DAB1: variants seen among roughly 807,000 people sequenced by gnomAD.
DAB1 encodes the protein DAB adaptor protein 1, also known as disabled homolog 1.
In DAB1, 15 loss-of-function variants were observed where a neutral mutation model predicts 64.6. That is an observed-to-expected ratio of 0.23 (90% CI 0.16 to 0.36). The LOEUF (loss-of-function observed/expected upper bound fraction) is 0.36. DAB1 is among the 10% of genes least tolerant of loss of function. DAB1 has a pLI of 1.00. For synonymous variants in DAB1, 235 were observed against 251.9 expected, an observed-to-expected ratio of 0.93 and a Z score of 0.64; for missense variants, 596 against 706.7, an observed-to-expected ratio of 0.84 and a Z score of 1.78.
At position 57,109,982 on chromosome 1, in the gene DAB1, G is replaced by A. The variant is rs933705349; in HGVS notation, c.306+26561C>T. Among the ~76,000 whole-genome samples, 4 of 152,088 alleles carry A rather than the reference G, an allele frequency of 2.6e-5. No homozygotes were observed. The South Asian group carries it at 6.2e-4, about 24-fold the overall frequency. ...CCACTTTCCTCCCTTGACAGGCCAC[G>A]GGGACAGGACAAGGCCTGAGATTAC... On this transcript the variant is annotated intron_variant, in intron 4 of 14. Transcript: ENST00000371236.
chr1:57,140,640 C>T (rs967365726), intron 3 of DAB1, among the ~76,000 whole-genome samples: 1 of 152,122 alleles, frequency 6.6e-6, no homozygotes, highest in Non-Finnish European at 1.5e-5. Context: ...CGTTTCTCAC[C>T]TCATAAGAGT....
chr1:57,019,643 G>A (rs779433293), intron 11 of DAB1, among the ~76,000 whole-genome samples: 3 of 152,198 alleles, frequency 2.0e-5, no homozygotes, highest in East Asian at 1.9e-4. Flanking sequence ...CAGGACAGTG[G>A]TGGCACTGGA....
chr1:58,486,359 A>G (rs1437036529), intron 3 of DAB1, among the ~76,000 whole-genome samples: 5 of 152,278 alleles, frequency 3.3e-5, no homozygotes, highest in African/African-American at 1.2e-4. Flanking sequence ...GACTCCTAAG[A>G]CCACTGTTAT....
chr1:58,495,171 A>G (rs1645775805), intron 3 of DAB1, among the ~76,000 whole-genome samples: 1 of 152,138 alleles, frequency 6.6e-6, no homozygotes, highest in Non-Finnish European at 1.5e-5. Context: ...TTGCAAGGAC[A>G]AAAAACTAAA....
intron 1 of DAB1, among the ~76,000 whole-genome samples, chr1:58,543,924 T>G (rs1569990336): frequency 6.6e-6 from 1 of 152,208 alleles, no homozygotes; most frequent in South Asian, 2.1e-4. Flanking sequence ...ATGTGACTGG[T>G]GCATCTGAGG....
chr1:58,228,504 G>A (rs1195639192), intron 4 of DAB1, among the ~76,000 whole-genome samples: 1 of 151,992 alleles, frequency 6.6e-6, no homozygotes, highest in Non-Finnish European at 1.5e-5. Flanking sequence ...GCACTGGGTG[G>A]AAAAAAGAGC....
Position 58,404,179 on chromosome 1 carries a change from G to A in DAB1, n.258-60776C>T, listed in dbSNP as rs564671195. Among the ~76,000 whole-genome samples, 26 of 152,252 alleles carry A rather than the reference G, an allele frequency of 1.7e-4. 1 individual carries two copies. Among genetic ancestry groups the A allele is most frequent in the African/African-American group, 5.8e-4 (24 of 41,552 alleles). On this transcript the variant is annotated intron_variant and non_coding_transcript_variant, in intron 3 of 20. Transcript: ENST00000485760. ...TCACTGGCACTGAGCAAGCCAACTC[G>A]GGGACCTACTCAGAATGCAGGCATG...
At chr1:57,044,486 C>T (rs2100494989) in intron 9 of DAB1, among the ~76,000 whole-genome samples, 1 of 152,308 alleles carries the variant, frequency 6.6e-6, no homozygotes, top group African/African-American at 2.4e-5. Context: ...GGAAAGGGAA[C>T]TCTATGTTTG....
intron 6 of DAB1, among the ~76,000 whole-genome samples, chr1:57,752,865 G>A (rs1648619631): frequency 6.6e-6 from 1 of 152,180 alleles, no homozygotes; most frequent in Admixed American, 6.5e-5. Flanking sequence ...CCTGACACTT[G>A]GTAGGCATTC....
chr1:57,890,101 C>T (rs923036376), intron 5 of DAB1, among the ~76,000 whole-genome samples: 2 of 152,038 alleles, frequency 1.3e-5, no homozygotes, highest in Non-Finnish European at 2.9e-5. Flanking sequence ...GTGATTAAGA[C>T]TGGGGTGAGG....
At chr1:58,136,885 C>T (rs1480603204) in intron 5 of DAB1, among the ~76,000 whole-genome samples, 4 of 152,150 alleles carry the variant, frequency 2.6e-5, no homozygotes, top group Non-Finnish European at 5.9e-5. Flanking sequence ...AAATTTTATA[C>T]TAGAGCTGTC....
chr1:58,226,804 C>CGATA (rs1363942624), intron 4 of DAB1, among the ~76,000 whole-genome samples: 1 of 152,104 alleles, frequency 6.6e-6, no homozygotes, highest in Non-Finnish European at 1.5e-5. Context: ...AAGCACAGAG[C>CGATA]GATAGGTTTT....
At chr1:58,538,806 G>T (rs778349241) in intron 1 of DAB1, 2 of 808,644 alleles carry the variant, frequency 2.5e-6, no homozygotes, top group Non-Finnish European at 2.1e-6. Context: ...TGCCTACAAT[G>T]ATTGCAAATA....
intron 7 of DAB1, among the ~76,000 whole-genome samples, chr1:57,579,200 G>C (rs1216665795): frequency 2.0e-5 from 3 of 152,210 alleles, no homozygotes; most frequent in African/African-American, 7.2e-5. Flanking sequence ...CAGGGACTGA[G>C]AGCTAAAGTA....
intron 7 of DAB1, among the ~76,000 whole-genome samples, chr1:57,463,397 T>C (rs1166455509): frequency 1.3e-5 from 2 of 152,194 alleles, no homozygotes; most frequent in African/African-American, 4.8e-5. Context: ...ATAATAAGGA[T>C]TTACATTTTG....
chr1:57,793,700 C>T (rs574402748), intron 6 of DAB1, among the ~76,000 whole-genome samples: 39 of 152,174 alleles, frequency 2.6e-4, no homozygotes, highest in Admixed American at 3.9e-4. Flanking sequence ...GGGCAAGTTT[C>T]GCTATGCCTC....
chr1:58,081,506 C>T (rs1211590424), intron 5 of DAB1, among the ~76,000 whole-genome samples: 2 of 152,204 alleles, frequency 1.3e-5, no homozygotes, highest in African/African-American at 2.4e-5. Flanking sequence ...ACTGAGATGG[C>T]CTCATGCCTG....
intron 5 of DAB1, among the ~76,000 whole-genome samples, chr1:57,901,604 T>C (rs1644475139): frequency 6.6e-6 from 1 of 151,990 alleles, no homozygotes; most frequent in Non-Finnish European, 1.5e-5. Flanking sequence ...TCCCAGAGCC[T>C]CCCTAGCCAG....
At chr1:57,947,933 A>G (rs527369529) in intron 5 of DAB1, among the ~76,000 whole-genome samples, 6 of 152,330 alleles carry the variant, frequency 3.9e-5, no homozygotes, top group African/African-American at 1.4e-4. Flanking sequence ...CTTGCAGAGC[A>G]TGCAAGGCCT....
Sources: allele counts gnomAD v4.1 joint callset (sites outside exome capture counted in the v4.1 genomes callset), GRCh38; gene constraint gnomAD v4.1.1; transcripts MANE v1.5; gene names NCBI Gene and HGNC (gene_info 2026-07-23, HGNC 2026-07-21).